The following CNTN3 variants were observed in gnomAD, a reference collection of about 807,000 sequenced individuals.
CNTN3 encodes contactin-3.
CNTN3 carries 60 observed loss-of-function variants against 119.1 expected under a neutral mutation model. The ratio of observed to expected loss-of-function variants is 0.50; its 90% confidence interval spans 0.41 to 0.62. The LOEUF (loss-of-function observed/expected upper bound fraction) is 0.62. CNTN3 is among the 20% of genes least tolerant of loss of function. CNTN3 has a pLI of 0.00. For synonymous variants in CNTN3, 450 were observed against 438.7 expected (o/e 1.03, Z -0.32); for missense variants, 1,101 against 1,242.4 (o/e 0.89, Z 1.71).
chr3:74,473,830 TA>T (rs1057173615), intron 4 of CNTN3, among the ~76,000 whole-genome samples: 22 of 152,126 alleles, frequency 1.4e-4, no homozygotes, highest in African/African-American at 5.1e-4. Flanking sequence ...TCACAGCACC[TA>T]AAAGTAAGGC....
chr3:74,604,498 A>G (rs961418033), intron 1 of CNTN3, among the ~76,000 whole-genome samples: 1 of 152,136 alleles, frequency 6.6e-6, no homozygotes, highest in African/African-American at 2.4e-5. Context: ...AAAATAGGCA[A>G]AGATCAGAAA....
At chr3:74,594,160 G>C (rs1305686024) in intron 1 of CNTN3, among the ~76,000 whole-genome samples, 2 of 151,302 alleles carry the variant, frequency 1.3e-5, no homozygotes, top group Admixed American at 6.6e-5. Flanking sequence ...AGTGTAGTCT[G>C]TGTGGTCTTG....
At chr3:74,501,829 G>T (rs999834646) in intron 2 of CNTN3, among the ~76,000 whole-genome samples, 1 of 150,362 alleles carries the variant, frequency 6.7e-6, no homozygotes, top group Admixed American at 6.6e-5. Flanking sequence ...TTAGGAAAGA[G>T]CAACTTCCAG....
intron 5 of CNTN3, among the ~76,000 whole-genome samples, chr3:74,422,034 T>A (rs1701623812): frequency 1.3e-5 from 2 of 152,188 alleles, no homozygotes; most frequent in Non-Finnish European, 2.9e-5. Flanking sequence ...GCCAAATTTT[T>A]AAAAATGTAT....
Position 74,359,114 on chromosome 3 carries a change from G to T in CNTN3, c.1364+2776C>A, listed in dbSNP as rs1184905183. Reference sequence around the variant, plus strand: ...CAAAAACAGTGGTTTTGGTTCATGAGTTGAGAGTGGTGGGACAGCAAGACA... The same window carrying T: ...CAAAAACAGTGGTTTTGGTTCATGATTTGAGAGTGGTGGGACAGCAAGACA... On this transcript the variant is annotated intron_variant, in intron 11 of 22. Transcript: ENST00000263665. 2.0e-5 allele frequency among the ~76,000 whole-genome samples: 3 copies of T among 152,094 alleles called. 1 individual carries two copies. The highest frequency in any genetic ancestry group is 2.0e-4 in the Admixed American group (3 of 15,280).
intron 5 of CNTN3, among the ~76,000 whole-genome samples, chr3:74,385,110 A>C (rs576037947): frequency 7.2e-5 from 11 of 152,324 alleles, no homozygotes; most frequent in Middle Eastern, 3.4e-3. Context: ...GCTCTGATAA[A>C]AATAATAAAT....
chr3:74,561,181 A>T (rs943865791), intron 1 of CNTN3, among the ~76,000 whole-genome samples: 24 of 151,422 alleles, frequency 1.6e-4, no homozygotes, highest in Non-Finnish European at 3.4e-4. Flanking sequence ...ATAATAAAAA[A>T]AAAATAAAAA....
chr3:74,416,625 G>T lies in CNTN3; in HGVS notation c.454+8220C>A, dbSNP rs190855508. Among the ~76,000 whole-genome samples, 1,015 of 152,174 alleles carry T rather than the reference G, an allele frequency of 6.7e-3. 7 individuals are homozygous for T. The highest frequency in any genetic ancestry group is 9.4e-3 in the Non-Finnish European group (637 of 67,996). ...TCTGAAAAACACTGTTTTAGAAGGT[G>T]GAAAATGTATAAGTAAAAAAAAATT... On this transcript the variant is annotated intron_variant, in intron 5 of 22. Coordinates refer to ENST00000263665, the MANE Select transcript of CNTN3 (RefSeq NM_020872.3).
At chr3:74,445,107 T>C (rs997796593) in intron 4 of CNTN3, among the ~76,000 whole-genome samples, 6 of 152,322 alleles carry the variant, frequency 3.9e-5, no homozygotes, top group African/African-American at 7.2e-5. Context: ...TTCAGTATGA[T>C]TGATGCCACT....
chr3:74,573,981 C>T (rs933774844), intron 1 of CNTN3, among the ~76,000 whole-genome samples: 8 of 151,782 alleles, frequency 5.3e-5, no homozygotes, highest in African/African-American at 9.7e-5. Context: ...TACATATTTA[C>T]AAAAAAAGTA....
intron 4 of CNTN3, among the ~76,000 whole-genome samples, chr3:74,464,594 C>T (rs1336584005): frequency 6.6e-6 from 1 of 152,080 alleles, no homozygotes; most frequent in African/African-American, 2.4e-5. Flanking sequence ...TAATTAGGAG[C>T]TACTAAATCC....
intron 20 of CNTN3, among the ~76,000 whole-genome samples, chr3:74,281,339 A>G (rs1315379569): frequency 1.3e-5 from 2 of 151,994 alleles, no homozygotes; most frequent in Admixed American, 6.6e-5. Context: ...TATTTTTATT[A>G]TTATTTTTTG....
intron 1 of CNTN3, among the ~76,000 whole-genome samples, chr3:74,568,778 C>T (rs1451277691): frequency 1.3e-5 from 2 of 152,162 alleles, no homozygotes; most frequent in Non-Finnish European, 2.9e-5. Flanking sequence ...TGTTTTATTT[C>T]TCATTGTATT....
At chr3:74,425,501 G>A (rs561229082) in intron 4 of CNTN3, among the ~76,000 whole-genome samples, 1 of 152,236 alleles carries the variant, frequency 6.6e-6, no homozygotes, top group East Asian at 1.9e-4. Context: ...CTGATCCCAT[G>A]TTGCTGAAAT....
In CNTN3 at chr3:74,295,105, T is replaced by C. The variant is rs199858708; in HGVS notation, c.2517+16A>G. On this transcript the variant is annotated intron_variant, in intron 19 of 22. Coordinates refer to ENST00000263665, the MANE Select transcript of CNTN3 (RefSeq NM_020872.3). ...ACGGTAACACACATACACAATTTAA[T>C]CGGAAAAGAAATTACCTCATAGCCC... 18 of 1,514,232 alleles carry C rather than the reference T, an allele frequency of 1.2e-5. No individual in the cohort carries two copies. In the East Asian group the frequency reaches 3.6e-4, roughly 30 times the overall value. The allele number at this position is 1,514,232 out of a possible 1,614,324, so 93.8% of individuals were successfully genotyped here.
chr3:74,552,878 TG>T (rs1208169716), intron 1 of CNTN3, among the ~76,000 whole-genome samples: 2 of 152,182 alleles, frequency 1.3e-5, no homozygotes, highest in Non-Finnish European at 2.9e-5. Flanking sequence ...CTGCCACGAT[TG>T]GAAGTTTCCT....
At chr3:74,423,527 C>T (rs932355542) in intron 5 of CNTN3, among the ~76,000 whole-genome samples, 1 of 152,174 alleles carries the variant, frequency 6.6e-6, no homozygotes, top group Non-Finnish European at 1.5e-5. Context: ...GGCAGCACGT[C>T]CTTCTGGGTG....
chr3:74,387,046 C>T (rs902924825), intron 5 of CNTN3, among the ~76,000 whole-genome samples: 5 of 152,198 alleles, frequency 3.3e-5, no homozygotes, highest in African/African-American at 9.6e-5. Flanking sequence ...CAGTGGAAAG[C>T]GATGCAAGCA....
chr3:74,391,895 T>A (rs2106830537), intron 5 of CNTN3, among the ~76,000 whole-genome samples: 1 of 152,294 alleles, frequency 6.6e-6, no homozygotes, highest in East Asian at 1.9e-4. Flanking sequence ...TAACCTCAAG[T>A]GATCAGCCCA....
Sources: gnomAD v4.1 joint callset for allele counts (sites outside exome capture counted in the v4.1 genomes callset) on GRCh38, gnomAD v4.1.1 for gene constraint, MANE v1.5 for transcripts, NCBI Gene and HGNC (gene_info 2026-07-23, HGNC 2026-07-21) for gene names.